DAGLB: variants seen among roughly 807,000 people sequenced by gnomAD.
DAGLB encodes diacylglycerol lipase-beta.
In DAGLB, 66 loss-of-function variants were observed where a neutral mutation model predicts 72.1. The ratio of observed to expected loss-of-function variants is 0.92; its 90% CI spans 0.75 to 1.12. The LOEUF is 1.12. DAGLB is among the 50% of genes most tolerant of loss of function. The pLI, the probability that DAGLB is intolerant of heterozygous loss-of-function variation, is 0.00. For missense variants in DAGLB, 1,065 were observed against 884.9 expected (o/e 1.20, Z -2.58); for synonymous variants, 414 against 359.5 (o/e 1.15, Z -1.71).
At chr7:6,431,349 T>A (rs994994059) in intron 5 of DAGLB, among the ~76,000 whole-genome samples, 2 of 152,096 alleles carry the variant, frequency 1.3e-5, no homozygotes, top group African/African-American at 4.8e-5. Context: ...AAAGCTGAAC[T>A]GCTTCTGCCC....
chr7:6,444,501 C>T (rs952491746), intron 2 of DAGLB, among the ~76,000 whole-genome samples: 2 of 151,980 alleles, frequency 1.3e-5, no homozygotes, highest in Non-Finnish European at 2.9e-5. Flanking sequence ...ACATGGGAGG[C>T]TGAGGCACAA....
Position 6,410,259 on chromosome 7 carries a change from C to A in DAGLB, c.1691G>T (p.Ser564Ile), listed in dbSNP as rs1448508745. The A allele has an allele frequency of 6.2e-7, 1 of 1,613,542 alleles. No homozygotes were observed. The highest frequency in any genetic ancestry group is 1.7e-5 in the Admixed American group (1 of 59,900). The change falls in exon 14 of 15, where the codon AGC (serine) becomes ATC (isoleucine). Residue 564 changes from serine to isoleucine, a missense_variant. Coordinates refer to ENST00000297056, the MANE Select transcript of DAGLB (RefSeq NM_139179.4). ...VLTQPLLGEQ[S>I]LLTRWSPAYS... ...GGCCGGGGACCAGCGCGTCAGTAGGCTCTGCTCCCCCAGAAGAGGCTGTGT... is the reference window on the plus strand; with the variant it reads ...GGCCGGGGACCAGCGCGTCAGTAGGATCTGCTCCCCCAGAAGAGGCTGTGT...
At chr7:6,420,692 A>G (rs1212061866) in intron 9 of DAGLB, among the ~76,000 whole-genome samples, 2 of 150,966 alleles carry the variant, frequency 1.3e-5, no homozygotes, top group African/African-American at 4.9e-5. Context: ...CGACCAACGA[A>G]CAGTGAAACT....
intron 2 of DAGLB, among the ~76,000 whole-genome samples, chr7:6,445,542 ACT>A (rs1784971688): frequency 6.6e-6 from 1 of 152,082 alleles, no homozygotes; most frequent in East Asian, 1.9e-4. Context: ...CAGAGTCTCC[ACT>A]CTGTCACTCA....
In DAGLB at chr7:6,434,845, G is replaced by A. The variant is rs768381133; in HGVS notation, c.595C>T (p.Leu199Phe). The A allele has an allele frequency of 6.2e-7, 1 of 1,614,200 alleles. No individual in the cohort carries two copies. Residue 199 changes from leucine (L) to phenylalanine (F), a missense_variant, in exon 4 of 15, where the codon CTC becomes TTC. Leu to Phe is a conservative substitution (Grantham distance 22). Coordinates refer to ENST00000297056, the MANE Select transcript of DAGLB (RefSeq NM_139179.4). ...TCTTTCCCAATGCAACAGCACAAGA[G>A]CTTGATTCTGGTTTCCCACACGCTT... Reference protein sequence around the residue: ...ATSVWETRIKLLCCCIGKDDH... With the variant: ...ATSVWETRIKFLCCCIGKDDH...
At position 6,410,065 on chromosome 7, in the gene DAGLB, C is replaced by T. The variant is rs188076040; in HGVS notation, c.1821-30G>A. ...AGCAGAAAAGGAGAGACAGCTCCCA[C>T]GCGGCCCCAGGGCTGACCCCGCGCT... On this transcript the variant is annotated intron_variant, in intron 14 of 14. Transcript: ENST00000297056. 250 of 1,601,404 alleles carry T rather than the reference C, an allele frequency of 1.6e-4. 1 individual carries two copies. In the East Asian group the frequency reaches 3.8e-3, roughly 25 times the overall value.
chr7:6,426,830 C>T (rs536737776), intron 6 of DAGLB, among the ~76,000 whole-genome samples: 18 of 152,250 alleles, frequency 1.2e-4, no homozygotes, highest in Admixed American at 7.2e-4. Context: ...AAAAAGAGGC[C>T]GGGCGTGGTG....
At chr7:6,415,025 G>C (rs1783856832) in intron 11 of DAGLB, among the ~76,000 whole-genome samples, 2 of 152,068 alleles carry the variant, frequency 1.3e-5, no homozygotes, top group Non-Finnish European at 2.9e-5. Flanking sequence ...GCTGGATGTG[G>C]TGGTGTGCGC....
At position 6,410,268 on chromosome 7, in the gene DAGLB, C is replaced by G; in HGVS notation, c.1682G>C (p.Gly561Ala). 8.1e-6 allele frequency: 13 copies of G among 1,613,674 alleles called. No homozygotes were observed. The highest frequency in any genetic ancestry group is 1.1e-5 in the Non-Finnish European group (13 of 1,179,852). ...CCAGCGCGTCAGTAGGCTCTGCTCC[C>G]CCAGAAGAGGCTGTGTCAGGACTTC... Reference protein sequence around the residue: ...DQEVLTQPLLGEQSLLTRWSP... With the variant: ...DQEVLTQPLLAEQSLLTRWSP... The change falls in exon 14 of 15, where the codon GGG (glycine) becomes GCG (alanine). Residue 561 changes from glycine to alanine, a missense_variant. By Grantham distance (60) the Gly-to-Ala change is moderately conservative. Coordinates refer to ENST00000297056, the MANE Select transcript of DAGLB (RefSeq NM_139179.4).
At chr7:6,441,935 G>C (rs1243693672) in intron 2 of DAGLB, among the ~76,000 whole-genome samples, 3 of 152,104 alleles carry the variant, frequency 2.0e-5, no homozygotes, top group African/African-American at 7.2e-5. Context: ...CCCTGACCGA[G>C]ACAAGCCTCC....
intron 13 of DAGLB, 82 bp downstream of exon 13, chr7:6,412,729 G>T: frequency 4.7e-6 from 7 of 1,474,400 alleles, no homozygotes; most frequent in Non-Finnish European, 5.6e-6. Context: ...TGCACTGAGG[G>T]TGCAATTCCT....
chr7:6,419,027 T>G (rs984371327), intron 9 of DAGLB, among the ~76,000 whole-genome samples: 1 of 150,632 alleles, frequency 6.6e-6, no homozygotes, highest in East Asian at 2.0e-4. Flanking sequence ...AGCCATCATA[T>G]AAGAAAATTT....
intron 5 of DAGLB, among the ~76,000 whole-genome samples, chr7:6,432,369 G>T (rs760978426): frequency 1.3e-4 from 20 of 150,650 alleles, no homozygotes; most frequent in Non-Finnish European, 2.8e-4. Context: ...AAAAAAAGGG[G>T]AGGGGAGGCT....
intron 6 of DAGLB, among the ~76,000 whole-genome samples, chr7:6,428,497 TTC>T (rs1359241174): frequency 6.6e-6 from 1 of 151,132 alleles, no homozygotes; most frequent in East Asian, 1.9e-4. Flanking sequence ...TTTTTTTTTT[TTC>T]TTTTTGAGAC....
intron 4 of DAGLB, among the ~76,000 whole-genome samples, chr7:6,433,467 C>G (rs528186960): frequency 6.6e-6 from 1 of 152,214 alleles, no homozygotes; most frequent in African/African-American, 2.4e-5. Flanking sequence ...TCTTCTTAGG[C>G]CTGACATGTC....
intron 13 of DAGLB, 34 bp downstream of exon 13, chr7:6,412,777 T>C: frequency 3.2e-6 from 5 of 1,560,438 alleles, no homozygotes; most frequent in Non-Finnish European, 4.3e-6. Flanking sequence ...AGGCCCCGTG[T>C]CCTGCTGACC....
At chr7:6,435,083 G>T in intron 3 of DAGLB, 63 bp from the exon 4 acceptor site, 1 of 1,582,886 alleles carries the variant, frequency 6.3e-7, no homozygotes, top group South Asian at 1.1e-5. Context: ...GCAGATGTCC[G>T]GGGTCCCTCC....
chr7:6,441,503 C>T (rs1404632846), intron 2 of DAGLB, among the ~76,000 whole-genome samples: 3 of 151,306 alleles, frequency 2.0e-5, no homozygotes, highest in East Asian at 1.9e-4. Context: ...CTGCAACCTC[C>T]GCCTCCCGAG....
chr7:6,434,038 C>T (rs912251060), intron 4 of DAGLB, among the ~76,000 whole-genome samples: 4 of 152,078 alleles, frequency 2.6e-5, no homozygotes, highest in South Asian at 2.1e-4. Context: ...CTTCCCTCTA[C>T]GGAGGCTGCT....
Sources: gnomAD v4.1 joint callset for allele counts (sites outside exome capture counted in the v4.1 genomes callset) on GRCh38, gnomAD v4.1.1 for gene constraint, MANE v1.5 for transcripts, NCBI Gene and HGNC (gene_info 2026-07-23, HGNC 2026-07-21) for gene names.